PCDHGA2: variants seen among roughly 807,000 people sequenced by gnomAD.
The protein encoded by PCDHGA2 is protocadherin gamma subfamily A, 2.
A neutral mutation model predicts 59.2 loss-of-function variants in PCDHGA2; 40 were observed. The observed-to-expected ratio is 0.68, with a 90% confidence interval of 0.52 to 0.88. PCDHGA2 has a LOEUF of 0.88. Among genes scored for constraint, PCDHGA2 ranks in the 40% least tolerant of loss-of-function variants. The pLI is 0.00. For synonymous variants in PCDHGA2, 560 were observed against 526.0 expected (o/e 1.06, Z -0.89); for missense variants, 1,226 against 1,204.0 (o/e 1.02, Z -0.27).
At chr5:141,413,524 A>G (rs772774054) in intron 1 of PCDHGA2, 7 of 1,613,974 alleles carry the variant, frequency 4.3e-6, no homozygotes, top group Non-Finnish European at 5.9e-6. Flanking sequence ...TGTGGAAGAC[A>G]GGGTGAAACT....
intron 3 of PCDHGA2, 149 bp downstream of exon 3, chr5:141,505,630 A>G (rs558394591): frequency 4.7e-5 from 69 of 1,480,262 alleles, no homozygotes; most frequent in Admixed American, 2.2e-5. Flanking sequence ...AATTCCAAAC[A>G]TAAAGCCTGG....
chr5:141,415,136 G>C (rs763832284), intron 1 of PCDHGA2: 1 of 1,613,548 alleles, frequency 6.2e-7, no homozygotes, highest in Admixed American at 1.7e-5. Flanking sequence ...CAGGACCACG[G>C]CCAGCCCCCT....
In PCDHGA2 at chr5:141,382,895, CG is replaced by C. The variant is rs746416348; in HGVS notation, c.2424+41501del. 5.9e-6 allele frequency: 9 copies of C among 1,536,084 alleles called. No individual in the cohort carries two copies. In the Admixed American group the frequency reaches 1.9e-4, roughly 33 times the overall value. On this transcript the variant is annotated intron_variant, in intron 1 of 3. Transcript: ENST00000394576. ...CGGCGCCTAAGCAAGAGAAGCAGGA[CG>C]ACTATGGCGGCTCAGCCGAGGGGCG...
intron 1 of PCDHGA2, chr5:141,398,258 G>T (rs756489359): frequency 2.1e-6 from 3 of 1,454,654 alleles, no homozygotes; most frequent in Non-Finnish European, 2.8e-6. Context: ...ATGCCCAAGG[G>T]CTCCGTAGTG....
rs763001349 is a variant in PCDHGA2 at position 141,398,988 on chromosome 5, C to A, written c.2424+57593C>A. 1.9e-6 allele frequency: 3 copies of A among 1,613,832 alleles called. No homozygotes were observed. The African/African-American group carries it at 4.0e-5, about 22-fold the overall frequency. On this transcript the variant is annotated intron_variant, in intron 1 of 3. Coordinates refer to ENST00000394576, the MANE Select transcript of PCDHGA2 (RefSeq NM_018915.4). Reference sequence around the variant, plus strand: ...ATTCCTTCTACAGAACCGGGCAAATCTTTAGTCTGAATTCAAAGAGCGGAG... The same window carrying A: ...ATTCCTTCTACAGAACCGGGCAAATATTTAGTCTGAATTCAAAGAGCGGAG...
intron 1 of PCDHGA2, among the ~76,000 whole-genome samples, chr5:141,401,503 C>T (rs755118621): frequency 6.6e-6 from 1 of 151,946 alleles, no homozygotes; most frequent in Non-Finnish European, 1.5e-5. Context: ...AATCCTTTTC[C>T]ACCTCTATAT....
intron 1 of PCDHGA2, chr5:141,349,974 C>G (rs1458782132): frequency 3.5e-6 from 1 of 288,098 alleles, no homozygotes; most frequent in South Asian, 1.5e-4. Flanking sequence ...TACATAGATT[C>G]AAGAGGTTGC....
At chr5:141,383,933 C>T (rs963043498) in intron 1 of PCDHGA2, 3 of 1,613,844 alleles carry the variant, frequency 1.9e-6, no homozygotes, top group East Asian at 2.2e-5. Context: ...GATAATGCTC[C>T]AGAAGTGACT....
intron 1 of PCDHGA2, chr5:141,362,620 T>G (rs763103959): frequency 6.5e-7 from 1 of 1,527,082 alleles, no homozygotes; most frequent in Non-Finnish European, 8.8e-7. Context: ...GGGTAGGAAG[T>G]TCCACTGCGT....
chr5:141,469,603 GTAAAA>G (rs929191572), intron 1 of PCDHGA2, among the ~76,000 whole-genome samples: 9 of 152,038 alleles, frequency 5.9e-5, no homozygotes, highest in Admixed American at 1.3e-4. Context: ...AACAAAATAA[GTAAAA>G]TAAAATAAAT....
rs1168649993 is a variant in PCDHGA2, at chr5:141,432,243, C to G, written c.2425-62564C>G. On this transcript the variant is annotated intron_variant, in intron 1 of 3. Transcript: ENST00000394576. The surrounding 1 kb of genome is among the most constrained non-coding windows in gnomAD (Gnocchi z 6.0). ...ATCACTTATTCCCTGGCTGAGAACA[C>G]CATCCAAGGGGCAAGCCTATCGTCC... 1 of 1,614,244 alleles carries G rather than the reference C, an allele frequency of 6.2e-7. No individual in the cohort carries two copies. Among genetic ancestry groups the G allele is most frequent in the Non-Finnish European group, 8.5e-7 (1 of 1,180,050 alleles).
At position 141,431,052 on chromosome 5, in the gene PCDHGA2, G is replaced by A. The variant is rs148326556; in HGVS notation, c.2425-63755G>A. On this transcript the variant is annotated intron_variant, in intron 1 of 3. Transcript: ENST00000394576. The surrounding 1 kb of genome is among the most constrained non-coding windows in gnomAD (Gnocchi z 4.8). Reference sequence around the variant, plus strand: ...ATAGACCGGGAGGAGCTCTGTATGGGGGCCATCAAGTGTCAATTAAATCTA... The same window carrying A: ...ATAGACCGGGAGGAGCTCTGTATGGAGGCCATCAAGTGTCAATTAAATCTA... 2 of 1,614,228 alleles carry A rather than the reference G, an allele frequency of 1.2e-6. No individual in the cohort carries two copies. The highest frequency in any genetic ancestry group is 1.7e-6 in the Non-Finnish European group (2 of 1,180,044).
intron 2 of PCDHGA2, among the ~76,000 whole-genome samples, chr5:141,497,175 A>T (rs2154592067): frequency 6.7e-6 from 1 of 150,262 alleles, no homozygotes; most frequent in East Asian, 1.9e-4. Context: ...AAATCACAGT[A>T]AGTTCTGAGA....
intron 1 of PCDHGA2, chr5:141,404,341 A>C (rs2094516146): frequency 3.1e-6 from 5 of 1,613,966 alleles, no homozygotes; most frequent in Non-Finnish European, 4.2e-6. Context: ...ACCTCCCGGA[A>C]AACAACGCCA....
intron 1 of PCDHGA2, chr5:141,409,410 A>G (rs1465791228): frequency 6.2e-7 from 1 of 1,614,036 alleles, no homozygotes; most frequent in African/African-American, 1.3e-5. Flanking sequence ...AACTACTACA[A>G]ACTGGTGACA....
intron 1 of PCDHGA2, chr5:141,409,268 A>G (rs753457286): frequency 1.5e-5 from 24 of 1,613,896 alleles, no homozygotes; most frequent in Non-Finnish European, 2.0e-5. Context: ...CTCTGATCAG[A>G]TTTTGGAGAA....
Position 141,489,493 on chromosome 5 carries a change from G to A in PCDHGA2, c.2425-5314G>A, listed in dbSNP as rs1485293604. ...CCTGAGCTTGATGAGTGGTGCCCTG[G>A]CAGTGAATCAAAAGATTGACCGAGA... On this transcript the variant is annotated intron_variant, in intron 1 of 3. Coordinates refer to ENST00000394576, the MANE Select transcript of PCDHGA2 (RefSeq NM_018915.4). The surrounding 1 kb of genome is among the most constrained non-coding windows in gnomAD (Gnocchi z 4.5). The A allele has an allele frequency of 1.2e-6, 2 of 1,613,960 alleles. No homozygotes were observed. Among genetic ancestry groups the A allele is most frequent in the Non-Finnish European group, 1.7e-6 (2 of 1,180,038 alleles).
intron 1 of PCDHGA2, chr5:141,364,083 A>T: frequency 2.6e-6 from 1 of 382,740 alleles, no homozygotes; most frequent in Non-Finnish European, 4.6e-6. Context: ...GAGAAATAAA[A>T]ATGGAATTTG....
Position 141,487,265 on chromosome 5 carries a change from G to C in PCDHGA2, c.2425-7542G>C, listed in dbSNP as rs144347539. 6,978 of 1,614,152 alleles carry C rather than the reference G, an allele frequency of 4.3e-3. 28 individuals carry two copies. Among genetic ancestry groups the C allele is most frequent in the Non-Finnish European group, 4.9e-3 (5,770 of 1,180,028 alleles). ...AACCCTCTACTTGGCTGTGTCCCTA[G>C]TGGCAATTTGCTTTGTCTCCTTTGG... On this transcript the variant is annotated intron_variant, in intron 1 of 3. Coordinates refer to ENST00000394576, the MANE Select transcript of PCDHGA2 (RefSeq NM_018915.4). This position sits in a 1 kb window ranked among gnomAD's most constrained non-coding sequence, Gnocchi z 5.0.
Sources: allele counts gnomAD v4.1 joint callset (sites outside exome capture counted in the v4.1 genomes callset), GRCh38; gene constraint gnomAD v4.1.1; non-coding constraint Gnocchi (gnomAD v3.1); transcripts MANE v1.5; gene names NCBI Gene and HGNC (gene_info 2026-07-23, HGNC 2026-07-21).